The following BAZ2B variants were observed in gnomAD, a reference collection of about 807,000 sequenced individuals.
The protein encoded by BAZ2B is bromodomain adjacent to zinc finger domain protein 2B.
In BAZ2B, 91 loss-of-function variants were observed where a neutral mutation model predicts 246.0. The ratio of observed to expected loss-of-function variants is 0.37; its 90% CI spans 0.31 to 0.44. BAZ2B has a LOEUF of 0.44. Among genes scored for constraint, BAZ2B ranks in the 20% least tolerant of loss-of-function variants. The probability of loss-of-function intolerance (pLI) is 1.00; values close to 1 mark genes in which losing one functional copy is unlikely to be tolerated. For missense variants in BAZ2B, 2,332 were observed against 2,533.7 expected (o/e 0.92, Z 1.71); for synonymous variants, 855 against 860.0 (o/e 0.99, Z 0.10).
chr2:159,708,225 T>A, the BAZ2B span, among the ~76,000 whole-genome samples: 1 of 151,682 alleles, frequency 6.6e-6, no homozygotes, highest in Non-Finnish European at 1.5e-5. Flanking sequence ...GCCTAGAAGC[T>A]TGAGGCTCCA....
rs1351460568 is a variant in BAZ2B, at chr2:159,348,785, G to C, written c.5186C>G (p.Ala1729Gly). 6.2e-7 allele frequency: 1 copy of C among 1,612,666 alleles called. No individual in the cohort carries two copies. Among genetic ancestry groups the C allele is most frequent in the East Asian group, 2.2e-5 (1 of 44,828 alleles). ...WRIIDPEDLK[A>G]LLKVLHLRGI... The stretch of plus-strand genomic sequence containing the variant: ...TCTGAGATGCAGCACTTTGAGCAAA[G>C]CTTTTAGGTCCTCTGGGTCAATAAT... Residue 1729 changes from alanine to glycine, a missense_variant, in exon 30 of 37, where the codon GCT (alanine) becomes GGT (glycine). By Grantham distance (60) the Ala-to-Gly change is moderately conservative. Coordinates refer to ENST00000392783, the MANE Select transcript of BAZ2B (RefSeq NM_013450.4).
At chr2:159,573,968 G>T (rs1051118338) in intron 1 of BAZ2B, among the ~76,000 whole-genome samples, 3 of 152,032 alleles carry the variant, frequency 2.0e-5, no homozygotes, top group African/African-American at 7.3e-5. Context: ...GGGTGTGTTG[G>T]CATGTGCCCA....
At chr2:159,354,913 A>G (rs1006215721) in intron 27 of BAZ2B, among the ~76,000 whole-genome samples, 4 of 152,190 alleles carry the variant, frequency 2.6e-5, no homozygotes, top group African/African-American at 9.7e-5. Flanking sequence ...ATGACAAAAT[A>G]TCATTTCCTA....
At chr2:159,411,976 C>T in intron 14 of BAZ2B, 1 of 985,282 alleles carries the variant, frequency 1.0e-6, no homozygotes, top group Non-Finnish European at 1.2e-6. Context: ...TTCCCATGTA[C>T]CACCTCAAGG....
chr2:159,382,446 G>A, intron 25 of BAZ2B, 113 bp downstream of exon 25: 1 of 1,135,990 alleles, frequency 8.8e-7, no homozygotes, highest in Middle Eastern at 2.8e-4. Context: ...GGAAACTGAG[G>A]CAAGTAAATG....
chr2:159,690,545 C>A, the BAZ2B span, among the ~76,000 whole-genome samples: 2 of 152,154 alleles, frequency 1.3e-5, no homozygotes, highest in Admixed American at 6.5e-5. Context: ...TTTCTGAATG[C>A]CAATTTTATA....
intron 27 of BAZ2B, among the ~76,000 whole-genome samples, chr2:159,360,437 G>A (rs1008606364): frequency 9.2e-5 from 14 of 152,126 alleles, no homozygotes; most frequent in East Asian, 5.8e-4. Flanking sequence ...ATAAACCACT[G>A]CTCAAGGAAA....
chr2:159,456,572 A>G (rs1290220600), intron 3 of BAZ2B, among the ~76,000 whole-genome samples: 1 of 152,184 alleles, frequency 6.6e-6, no homozygotes, highest in East Asian at 1.9e-4. Context: ...AGCTGTATAC[A>G]TCACAGATTC....
chr2:159,536,743 ATG>A lies in BAZ2B; in HGVS notation c.-3+19078_-3+19079del. On this transcript the variant is annotated intron_variant, in intron 2 of 36. Transcript: ENST00000392783. ...GATGTCTTTTTTATTTCAAAAACCA[ATG>A]TTAAGAAAAAAAGTAATGATAATTA... Among the ~76,000 whole-genome samples, 3 of 152,322 alleles carry A rather than the reference ATG, an allele frequency of 2.0e-5. No homozygotes were observed. The South Asian group carries it at 6.2e-4, about 32-fold the overall frequency.
intron 2 of BAZ2B, among the ~76,000 whole-genome samples, chr2:159,504,704 C>T (rs796220584): frequency 7.2e-5 from 11 of 152,192 alleles, no homozygotes; most frequent in African/African-American, 2.6e-4. Flanking sequence ...TTTATCAGTC[C>T]CATATTGAAC....
chr2:159,619,063 A>G (rs1696324975), upstream of BAZ2B, among the ~76,000 whole-genome samples: 1 of 152,112 alleles, frequency 6.6e-6, no homozygotes, highest in South Asian at 2.1e-4. Context: ...AAGTAATAAA[A>G]TTCATTAATT....
chr2:159,675,070 G>A, the BAZ2B span, among the ~76,000 whole-genome samples: 2,150 of 152,204 alleles, frequency 0.014, 20 homozygotes, highest in Middle Eastern at 0.027. Context: ...ACGGAACTGG[G>A]GAGGACAAGA....
chr2:159,608,638 G>A (rs946798907), intron 1 of BAZ2B, among the ~76,000 whole-genome samples: 3 of 152,186 alleles, frequency 2.0e-5, no homozygotes, highest in Non-Finnish European at 4.4e-5. Flanking sequence ...AAAAGGGAGT[G>A]AAGAAGACAT....
chr2:159,501,598 T>C (rs554464012), intron 2 of BAZ2B, among the ~76,000 whole-genome samples: 8 of 152,250 alleles, frequency 5.3e-5, no homozygotes, highest in African/African-American at 1.9e-4. Flanking sequence ...TTTTAAAGTA[T>C]CCTTTATAAA....
Position 159,325,907 on chromosome 2 carries a change from T to G in BAZ2B, c.5955A>C (p.Gln1985His), listed in dbSNP as rs1393312744. The change falls in exon 35 of 37, where the codon CAA (glutamine) becomes CAC (histidine). Residue 1985 changes from glutamine to histidine, a missense_variant. Physicochemically the swap from Gln to His is conservative, Grantham distance 24. Transcript: ENST00000392783. ...CATGAAGTTTTTTGATTTTTAGAGT[T>G]TGACCACTTGCCTTTAATTTAAAAA... ...CPACIAKASG[Q>H]TLKIKKLHVK... The G allele has an allele frequency of 1.9e-6, 3 of 1,585,332 alleles. No homozygotes were observed. Among genetic ancestry groups the G allele is most frequent in the African/African-American group, 2.7e-5 (2 of 72,988 alleles).
chr2:159,323,755 G>T lies in BAZ2B; in HGVS notation c.6353+1056C>A, dbSNP rs1053047543. On this transcript the variant is annotated intron_variant, in intron 36 of 36. Transcript: ENST00000392783. ...GGAGGCAGAGATTGCAGTGAGCCGAGATGCACCACTGCACTCCAGCTTGGG... is the reference window on the plus strand; with the variant it reads ...GGAGGCAGAGATTGCAGTGAGCCGATATGCACCACTGCACTCCAGCTTGGG... Among the ~76,000 whole-genome samples, 12 of 148,492 alleles carry T rather than the reference G, an allele frequency of 8.1e-5. 1 individual carries two copies. The East Asian group carries it at 2.4e-3, about 29-fold the overall frequency.
intron 36 of BAZ2B, among the ~76,000 whole-genome samples, chr2:159,323,998 A>C (rs532435311): frequency 1.2e-4 from 18 of 152,272 alleles, no homozygotes; most frequent in Admixed American, 1.2e-3. Context: ...CAAAGAAATA[A>C]ATTTGTCATT....
intron 16 of BAZ2B, among the ~76,000 whole-genome samples, chr2:159,403,612 A>G (rs1310201760): frequency 6.6e-6 from 1 of 152,154 alleles, no homozygotes; most frequent in Non-Finnish European, 1.5e-5. Context: ...TCACTAGCCT[A>G]TTTCAGGTCA....
the BAZ2B span, among the ~76,000 whole-genome samples, chr2:159,662,799 T>C: frequency 5.9e-5 from 9 of 152,238 alleles, no homozygotes; most frequent in African/African-American, 2.2e-4. Context: ...CCCAAAGTGC[T>C]GGGATTACCG....
Sources: allele counts gnomAD v4.1 joint callset (sites outside exome capture counted in the v4.1 genomes callset), GRCh38; gene constraint gnomAD v4.1.1; transcripts MANE v1.5; gene names NCBI Gene and HGNC (gene_info 2026-07-23, HGNC 2026-07-21).